UBE2E3: variants seen among roughly 807,000 people sequenced by gnomAD.
UBE2E3 encodes ubiquitin conjugating enzyme E2 E3.
Under a neutral mutation model 23.6 loss-of-function variants are expected in UBE2E3, and 5 were observed. That is an observed-to-expected ratio of 0.21 (90% CI 0.11 to 0.44). The LOEUF is 0.44. Ranked by LOEUF, UBE2E3 falls within the 20% of genes least tolerant of loss-of-function variation. The pLI is 0.99. For synonymous variants in UBE2E3, 78 were observed against 87.5 expected (o/e 0.89, Z 0.60); for missense variants, 81 against 249.8 (o/e 0.32, Z 4.55).
At chr2:181,036,384 A>G (rs1402802411) in intron 3 of UBE2E3, among the ~76,000 whole-genome samples, 1 of 152,262 alleles carries the variant, frequency 6.6e-6, no homozygotes, top group African/African-American at 2.4e-5. Context: ...TCCTTGAATA[A>G]TGGTTCATTC....
At chr2:181,055,353 CAG>C (rs770010024) in intron 3 of UBE2E3, among the ~76,000 whole-genome samples, 5 of 151,744 alleles carry the variant, frequency 3.3e-5, no homozygotes, top group Non-Finnish European at 5.9e-5. Context: ...GTGGAAGAGA[CAG>C]AGAGTGTCGG....
At position 181,054,796 on chromosome 2, in the gene UBE2E3, A is replaced by G. The variant is rs1265318647; in HGVS notation, c.246-2897A>G. ...AGCCGTAAAACTGCATAAGATAACC[A>G]AAACAGTATATGTAGGTAGAAAAGA... is the stretch of plus-strand genomic sequence containing the variant. On this transcript the variant is annotated intron_variant, in intron 3 of 5. Transcript: ENST00000410062. Among the ~76,000 whole-genome samples the G allele has an allele frequency of 5.9e-5, 9 of 151,948 alleles. No individual in the cohort carries two copies. The East Asian group carries it at 1.8e-3, about 30-fold the overall frequency.
chr2:181,046,786 A>G (rs1559134097), intron 3 of UBE2E3, among the ~76,000 whole-genome samples: 1 of 152,104 alleles, frequency 6.6e-6, no homozygotes, highest in Non-Finnish European at 1.5e-5. Flanking sequence ...TATCATAGAA[A>G]TTACTCTGCC....
chr2:181,026,531 A>C (rs1263325493), intron 3 of UBE2E3, among the ~76,000 whole-genome samples: 1 of 149,950 alleles, frequency 6.7e-6, no homozygotes, highest in Non-Finnish European at 1.5e-5. Context: ...TTTTTTTTTA[A>C]ATCCTTGATA....
chr2:180,998,834 G>A (rs551859245), intron 3 of UBE2E3, among the ~76,000 whole-genome samples: 14 of 152,126 alleles, frequency 9.2e-5, no homozygotes, highest in South Asian at 2.1e-4. Flanking sequence ...AATCGTCAAC[G>A]GCAGTTCCTT....
At chr2:180,993,333 T>G (rs1171488010) in intron 3 of UBE2E3, among the ~76,000 whole-genome samples, 1 of 152,072 alleles carries the variant, frequency 6.6e-6, no homozygotes, top group Non-Finnish European at 1.5e-5. Flanking sequence ...TGTGGTGTAG[T>G]CTGCCTTTTT....
At chr2:181,049,530 T>A (rs1249993223) in intron 3 of UBE2E3, among the ~76,000 whole-genome samples, 2 of 152,058 alleles carry the variant, frequency 1.3e-5, no homozygotes, top group Non-Finnish European at 2.9e-5. Context: ...TTACAAAGTG[T>A]TTCTTATGAT....
chr2:180,987,483 G>A (rs1684517562), intron 3 of UBE2E3: 16 of 1,428,084 alleles, frequency 1.1e-5, no homozygotes, highest in Non-Finnish European at 1.5e-5. Flanking sequence ...TGTATGTTCA[G>A]ATTGAATCTA....
chr2:181,040,739 A>G (rs368139257), intron 3 of UBE2E3, among the ~76,000 whole-genome samples: 3 of 152,194 alleles, frequency 2.0e-5, no homozygotes, highest in Non-Finnish European at 2.9e-5. Context: ...TTTAGTAGCT[A>G]TGGTATTCAA....
At chr2:181,010,712 T>C (rs1183193535) in intron 3 of UBE2E3, among the ~76,000 whole-genome samples, 2 of 152,178 alleles carry the variant, frequency 1.3e-5, no homozygotes, top group Non-Finnish European at 2.9e-5. Flanking sequence ...AAACAGCCTG[T>C]GACTGATACA....
chr2:181,060,089 A>T (rs1174118956), intron 4 of UBE2E3, among the ~76,000 whole-genome samples: 5 of 151,858 alleles, frequency 3.3e-5, no homozygotes, highest in Non-Finnish European at 4.4e-5. Context: ...TTTTAGCCTA[A>T]CAAGACAGTG....
At chr2:181,026,875 TA>T in intron 3 of UBE2E3, among the ~76,000 whole-genome samples, 1 of 89,970 alleles carries the variant, frequency 1.1e-5, no homozygotes, top group Non-Finnish European at 2.9e-5. Context: ...ATTGATCATA[TA>T]ATATTTTGTG....
intron 3 of UBE2E3, among the ~76,000 whole-genome samples, chr2:181,042,420 A>C (rs1686542988): frequency 6.6e-6 from 1 of 152,242 alleles, no homozygotes; most frequent in Non-Finnish European, 1.5e-5. Flanking sequence ...ACTAGAGTTC[A>C]AAAAGAGGGA....
intron 3 of UBE2E3, among the ~76,000 whole-genome samples, chr2:181,036,728 A>G (rs548499676): frequency 6.6e-6 from 1 of 152,266 alleles, no homozygotes; most frequent in East Asian, 1.9e-4. Flanking sequence ...ACAATACTCT[A>G]ACTTGTTTTT....
Position 180,995,177 on chromosome 2 carries a change from A to G in UBE2E3, c.245+11084A>G, listed in dbSNP as rs548937503. On this transcript the variant is annotated intron_variant, in intron 3 of 5. Transcript: ENST00000410062. ...TGTGTATTTTACTGTGTTTCGTGCA[A>G]TACTGTAAATAACACCATGGGACCC... Among the ~76,000 whole-genome samples, 25 of 152,186 alleles carry G rather than the reference A, an allele frequency of 1.6e-4. 1 individual carries two copies. The South Asian group carries it at 4.6e-3, about 28-fold the overall frequency.
intron 3 of UBE2E3, among the ~76,000 whole-genome samples, chr2:181,026,448 G>C (rs1346262391): frequency 6.6e-6 from 1 of 151,264 alleles, no homozygotes; most frequent in African/African-American, 2.4e-5. Context: ...TTGTTTGTCT[G>C]AAGGTAGAGC....
chr2:181,051,655 T>G (rs1686847927), intron 3 of UBE2E3, among the ~76,000 whole-genome samples: 1 of 151,898 alleles, frequency 6.6e-6, no homozygotes, highest in South Asian at 2.1e-4. Context: ...TTTGGTGATA[T>G]TAATAGTGAT....
chr2:181,018,472 A>G (rs926990970), intron 3 of UBE2E3, among the ~76,000 whole-genome samples: 4 of 151,930 alleles, frequency 2.6e-5, no homozygotes, highest in African/African-American at 7.3e-5. Context: ...GCAGATACCT[A>G]TCTACCTTTC....
chr2:181,003,168 G>A (rs1685039080), intron 3 of UBE2E3, among the ~76,000 whole-genome samples: 1 of 152,178 alleles, frequency 6.6e-6, no homozygotes, highest in South Asian at 2.1e-4. Context: ...CCCAGATAGA[G>A]GAGTTTATTT....
Sources: allele counts gnomAD v4.1 joint callset (sites outside exome capture counted in the v4.1 genomes callset), GRCh38; gene constraint gnomAD v4.1.1; transcripts MANE v1.5; gene names NCBI Gene and HGNC (gene_info 2026-07-23, HGNC 2026-07-21).